Variants in AGBL4 observed in about 807,000 individuals in gnomAD.
AGBL4 encodes the protein cytosolic carboxypeptidase 6.
A neutral mutation model predicts 66.4 loss-of-function variants in AGBL4; 58 were observed. The observed-to-expected ratio is 0.87, with a 90% CI of 0.71 to 1.09. The LOEUF (loss-of-function observed/expected upper bound fraction) is 1.09. Among genes scored for constraint, AGBL4 ranks in the 50% least tolerant of loss-of-function variants. The pLI, the probability that AGBL4 is intolerant of heterozygous loss-of-function variation, is 0.00. For synonymous variants in AGBL4, 234 were observed against 222.9 expected (o/e 1.05, Z -0.44); for missense variants, 579 against 631.0 (o/e 0.92, Z 0.88).
At chr1:49,641,225 G>C (rs1463918840) in intron 3 of AGBL4, among the ~76,000 whole-genome samples, 4 of 152,098 alleles carry the variant, frequency 2.6e-5, no homozygotes, top group Non-Finnish European at 4.4e-5. Context: ...ACTACAAAGT[G>C]AGATATGTTT....
intron 3 of AGBL4, among the ~76,000 whole-genome samples, chr1:49,407,819 C>T (rs1055502506): frequency 2.0e-5 from 3 of 152,094 alleles, no homozygotes; most frequent in African/African-American, 4.8e-5. Context: ...TGAGGCATAT[C>T]GGAAAGAGGA....
intron 5 of AGBL4, among the ~76,000 whole-genome samples, chr1:49,015,149 C>T (rs1304992634): frequency 6.6e-6 from 1 of 152,118 alleles, no homozygotes; most frequent in African/African-American, 2.4e-5. Context: ...CCTTATGTTT[C>T]ACTCTGGCAT....
intron 6 of AGBL4, among the ~76,000 whole-genome samples, chr1:48,750,698 C>T (rs1332317343): frequency 2.0e-5 from 3 of 152,234 alleles, no homozygotes; most frequent in Admixed American, 6.5e-5. Flanking sequence ...CATTTCCCTA[C>T]GGTCAGAGCT....
intron 3 of AGBL4, among the ~76,000 whole-genome samples, chr1:49,250,757 A>G (rs527558318): frequency 3.0e-4 from 45 of 152,172 alleles, no homozygotes; most frequent in African/African-American, 1.0e-3. Context: ...TCATTCTTGA[A>G]CCACAACAGC....
At chr1:49,134,111 C>T (rs1220100334) in intron 4 of AGBL4, among the ~76,000 whole-genome samples, 3 of 151,836 alleles carry the variant, frequency 2.0e-5, no homozygotes, top group African/African-American at 4.8e-5. Flanking sequence ...TCCCCTGAGC[C>T]GTAAAACCAA....
chr1:49,995,133 G>C, intron 1 of AGBL4: 1 of 456,186 alleles, frequency 2.2e-6, no homozygotes, highest in Non-Finnish European at 4.4e-6. Flanking sequence ...AAAGTTTCCT[G>C]GACAGAATCT....
chr1:48,550,869 G>A (rs755646856), intron 11 of AGBL4, among the ~76,000 whole-genome samples: 1 of 152,100 alleles, frequency 6.6e-6, no homozygotes, highest in Non-Finnish European at 1.5e-5. Context: ...CTTTTTGCTG[G>A]CATTATTTGC....
intron 2 of AGBL4, among the ~76,000 whole-genome samples, chr1:49,832,139 C>T (rs968854601): frequency 7.2e-5 from 11 of 151,890 alleles, no homozygotes; most frequent in Non-Finnish European, 1.3e-4. Flanking sequence ...AATGCTATCC[C>T]TCCCCCCTTC....
chr1:49,800,814 T>C (rs1347786864), intron 2 of AGBL4, among the ~76,000 whole-genome samples: 6 of 117,670 alleles, frequency 5.1e-5, no homozygotes, highest in South Asian at 3.4e-4. Flanking sequence ...TGAATAATGC[T>C]GCAATAAACA....
At chr1:49,495,851 C>T (rs2148753306) in intron 3 of AGBL4, among the ~76,000 whole-genome samples, 1 of 152,152 alleles carries the variant, frequency 6.6e-6, no homozygotes, top group African/African-American at 2.4e-5. Context: ...GATCAGACTA[C>T]TTTTCCTGAA....
intron 3 of AGBL4, among the ~76,000 whole-genome samples, chr1:49,690,771 A>G (rs1000661870): frequency 1.3e-5 from 2 of 152,214 alleles, no homozygotes; most frequent in Admixed American, 1.3e-4. Context: ...TAATATTAAT[A>G]GATAACATTT....
intron 2 of AGBL4, among the ~76,000 whole-genome samples, chr1:49,810,791 A>C (rs1645082337): frequency 6.6e-6 from 1 of 152,138 alleles, no homozygotes; most frequent in East Asian, 1.9e-4. Flanking sequence ...GAAGTTTTTT[A>C]GTAGAAAGTG....
At chr1:49,955,369 T>C (rs927251443) in intron 1 of AGBL4, among the ~76,000 whole-genome samples, 1 of 151,934 alleles carries the variant, frequency 6.6e-6, no homozygotes, top group Non-Finnish European at 1.5e-5. Context: ...CAGAATTACA[T>C]TGGGTAGTTC....
At chr1:48,892,547 C>T (rs777149664) in intron 5 of AGBL4, among the ~76,000 whole-genome samples, 2 of 151,954 alleles carry the variant, frequency 1.3e-5, no homozygotes, top group African/African-American at 4.8e-5. Flanking sequence ...ACATTGGTTC[C>T]GTCTGAAAAG....
At chr1:48,968,736 A>G (rs114718705) in intron 5 of AGBL4, among the ~76,000 whole-genome samples, 1 of 151,992 alleles carries the variant, frequency 6.6e-6, no homozygotes, top group African/African-American at 2.4e-5. Flanking sequence ...TAGCCTCCCA[A>G]ATTTTCTACC....
chr1:49,679,225 A>T (rs1646641557), intron 3 of AGBL4, among the ~76,000 whole-genome samples: 1 of 152,112 alleles, frequency 6.6e-6, no homozygotes, highest in African/African-American at 2.4e-5. Flanking sequence ...TTGTTGTTTG[A>T]TACATACACA....
chr1:49,123,709 C>G (rs997899662), intron 4 of AGBL4, among the ~76,000 whole-genome samples: 4 of 152,200 alleles, frequency 2.6e-5, no homozygotes, highest in Admixed American at 2.6e-4. Flanking sequence ...CTCTCCTACT[C>G]TCCTTGGGTC....
chr1:49,021,019 A>G (rs1459514143), intron 5 of AGBL4, among the ~76,000 whole-genome samples: 1 of 152,220 alleles, frequency 6.6e-6, no homozygotes, highest in African/African-American at 2.4e-5. Context: ...TTCAGACACA[A>G]TATTGCACTG....
In AGBL4 at chr1:49,821,876, G is replaced by A. The variant is rs1645378657; in HGVS notation, c.157+29520C>T. Reference sequence around the variant, plus strand: ...TTAAAAATAGAATACATAAATGTGGGTCAACATTTACAAGTTATCAATTCT... The same window carrying A: ...TTAAAAATAGAATACATAAATGTGGATCAACATTTACAAGTTATCAATTCT... On this transcript the variant is annotated intron_variant, in intron 2 of 13. Transcript: ENST00000371839. Among the ~76,000 whole-genome samples, 3 of 152,114 alleles carry A rather than the reference G, an allele frequency of 2.0e-5. No homozygotes were observed. In the South Asian group the frequency reaches 6.2e-4, roughly 32 times the overall value.
Sources: allele counts gnomAD v4.1 joint callset (sites outside exome capture counted in the v4.1 genomes callset), GRCh38; gene constraint gnomAD v4.1.1; transcripts MANE v1.5; gene names NCBI Gene and HGNC (gene_info 2026-07-23, HGNC 2026-07-21).